PRDM10: variants seen among roughly 807,000 people sequenced by gnomAD.
PRDM10 encodes the protein PR/SET domain 10.
In PRDM10, 65 loss-of-function variants were observed where a neutral mutation model predicts 133.1. The ratio of observed to expected loss-of-function variants is 0.49; its 90% CI spans 0.40 to 0.60. The LOEUF (loss-of-function observed/expected upper bound fraction) is 0.60, where lower values mean the gene tolerates loss of function less well. Ranked by LOEUF, PRDM10 falls within the 20% of genes least tolerant of loss-of-function variation. The pLI is 0.00. For synonymous variants in PRDM10, 582 were observed against 580.4 expected (o/e 1.00, Z -0.04); for missense variants, 1,137 against 1,507.1 (o/e 0.75, Z 4.07).
chr11:129,958,404 G>A (rs1024066276), intron 2 of PRDM10, among the ~76,000 whole-genome samples: 2 of 152,152 alleles, frequency 1.3e-5, no homozygotes, highest in African/African-American at 4.8e-5. Context: ...CACTTTGGGA[G>A]GCCGAGGCAG....
chr11:129,910,212 C>A (rs1950142183), intron 19 of PRDM10, among the ~76,000 whole-genome samples: 1 of 152,184 alleles, frequency 6.6e-6, no homozygotes, highest in Non-Finnish European at 1.5e-5. Flanking sequence ...TAAGCTATAT[C>A]CAACTATCTT....
intron 1 of PRDM10, among the ~76,000 whole-genome samples, chr11:129,968,178 C>T (rs184132550): frequency 7.9e-5 from 12 of 152,308 alleles, no homozygotes; most frequent in Admixed American, 7.2e-4. Flanking sequence ...CATTATTAAC[C>T]TCAGACACAT....
intron 1 of PRDM10, among the ~76,000 whole-genome samples, chr11:129,999,777 A>G (rs1249518117): frequency 6.6e-6 from 1 of 152,222 alleles, no homozygotes; most frequent in Non-Finnish European, 1.5e-5. Flanking sequence ...AAAAGTTACA[A>G]GAAATCAAAA....
chr11:129,919,266 CT>C (rs1190415580), intron 13 of PRDM10, among the ~76,000 whole-genome samples: 1 of 152,142 alleles, frequency 6.6e-6, no homozygotes, highest in Non-Finnish European at 1.5e-5. Flanking sequence ...ACTCAGGAGG[CT>C]GAGGCAGGAG....
At position 129,994,628 on chromosome 11, in the gene PRDM10, A is replaced by C. The variant is rs187585405; in HGVS notation, c.-119+8094T>G. On this transcript the variant is annotated intron_variant, in intron 1 of 20. Transcript: ENST00000360871. ...TCTCTAAAAAAATTAAAAAATATTAAAAAGTTAACATAAAATTTCTTTTTT... is the reference window on the plus strand; with the variant it reads ...TCTCTAAAAAAATTAAAAAATATTACAAAGTTAACATAAAATTTCTTTTTT... 5.0e-4 allele frequency among the ~76,000 whole-genome samples: 76 copies of C among 152,012 alleles called. No homozygotes were observed. In the East Asian group the frequency reaches 0.013, roughly 26 times the overall value.
intron 19 of PRDM10, among the ~76,000 whole-genome samples, chr11:129,908,664 T>C (rs887618583): frequency 6.6e-6 from 1 of 152,206 alleles, no homozygotes; most frequent in Non-Finnish European, 1.5e-5. Flanking sequence ...TCTACTTTTA[T>C]ATATTTTTAC....
At position 129,947,122 on chromosome 11, in the gene PRDM10, G is replaced by A. The variant is rs372182810; in HGVS notation, c.520+23C>T. Reference sequence around the variant, plus strand: ...CACAAGATGGACACAGCTTCCCTGGGGGAGACCCGTGCCCACACTTACACA... The same window carrying A: ...CACAAGATGGACACAGCTTCCCTGGAGGAGACCCGTGCCCACACTTACACA... On this transcript the variant is annotated intron_variant, in intron 5 of 20. Transcript: ENST00000360871. This position sits in a 1 kb window ranked among gnomAD's most constrained non-coding sequence, Gnocchi z 4.6. The A allele has an allele frequency of 6.2e-7, 1 of 1,611,816 alleles. No individual in the cohort carries two copies. The highest frequency in any genetic ancestry group is 1.1e-5 in the South Asian group (1 of 90,816).
chr11:129,985,879 T>C (rs1000102716), intron 1 of PRDM10, among the ~76,000 whole-genome samples: 6 of 143,984 alleles, frequency 4.2e-5, no homozygotes, highest in Non-Finnish European at 9.1e-5. Context: ...CCAATTCTTA[T>C]AACCCAAGGT....
intron 15 of PRDM10, 105 bp from the exon 16 acceptor site, chr11:129,915,965 T>A: frequency 9.3e-7 from 1 of 1,072,540 alleles, no homozygotes; most frequent in Non-Finnish European, 1.3e-6. Context: ...AGTATTCATG[T>A]AGCCCCAAAT....
chr11:129,932,813 T>C (rs1273623138), intron 9 of PRDM10, among the ~76,000 whole-genome samples: 1 of 152,170 alleles, frequency 6.6e-6, no homozygotes, highest in Non-Finnish European at 1.5e-5. Flanking sequence ...CTACCCAGGC[T>C]GGAGTGCAGT....
At chr11:129,934,277 G>C (rs1950959983) in intron 9 of PRDM10, among the ~76,000 whole-genome samples, 1 of 152,206 alleles carries the variant, frequency 6.6e-6, no homozygotes, top group African/African-American at 2.4e-5. Flanking sequence ...CCCCAAGTGG[G>C]CATTTAATAG....
Position 129,905,363 on chromosome 11 carries a change from G to GAAAA in PRDM10, c.3267+271_3267+274dup, listed in dbSNP as rs57268294. On this transcript the variant is annotated intron_variant, in intron 20 of 20. Transcript: ENST00000360871. Reference sequence around the variant, plus strand: ...GGCGACACAGCAAGACTCTGTCTCAGAAAAAAAAAAAAAAAAAAAAGGCTC... The same window carrying GAAAA: ...GGCGACACAGCAAGACTCTGTCTCAGAAAAAAAAAAAAAAAAAAAAAAAAGGCTC... 2.9e-3 allele frequency among the ~76,000 whole-genome samples: 204 copies of GAAAA among 69,364 alleles called. 2 individuals carry two copies. Among genetic ancestry groups the GAAAA allele is most frequent in the Non-Finnish European group, 4.3e-3 (157 of 36,182 alleles). The allele number at this position is 69,364 out of a possible 152,430, so 45.5% of individuals were successfully genotyped here. A position where few individuals can be genotyped will look rare whatever the true frequency, so the allele number is the denominator to read the frequency against.
In PRDM10 at chr11:129,990,522, C is replaced by CAAA. The variant is rs59217112; in HGVS notation, c.-119+12197_-119+12199dup. Among the ~76,000 whole-genome samples, 270 of 66,906 alleles carry CAAA rather than the reference C, an allele frequency of 4.0e-3. 3 individuals are homozygous for CAAA. The highest frequency in any genetic ancestry group is 0.01 in the African/African-American group (203 of 20,200). 43.9% of individuals were successfully genotyped at this position (66,906 alleles called of 152,430 possible). On this transcript the variant is annotated intron_variant, in intron 1 of 20. Coordinates refer to ENST00000360871, the MANE Select transcript of PRDM10 (RefSeq NM_199437.2). ...GGGTGACAAAGTGAGACTTTGTCTCCAAAAAAAAAAAAAAAAAAAAAAAGC... is the reference window on the plus strand; with the variant it reads ...GGGTGACAAAGTGAGACTTTGTCTCCAAAAAAAAAAAAAAAAAAAAAAAAAAGC...
In PRDM10 at chr11:129,945,714, A is replaced by G. The variant is rs1591645290; in HGVS notation, c.521-702T>C. Among the ~76,000 whole-genome samples, 1 of 152,302 alleles carries G rather than the reference A, an allele frequency of 6.6e-6. No individual in the cohort carries two copies. Among genetic ancestry groups the G allele is most frequent in the East Asian group, 1.9e-4 (1 of 5,178 alleles). On this transcript the variant is annotated intron_variant, in intron 5 of 20. Coordinates refer to ENST00000360871, the MANE Select transcript of PRDM10 (RefSeq NM_199437.2). The surrounding 1 kb of genome is among the most constrained non-coding windows in gnomAD (Gnocchi z 4.2). ...ACCCACCTGTAAGCTAACCGCCAGA[A>G]CGAGACAGGTACAGCCCCAAAACGG...
intron 1 of PRDM10, among the ~76,000 whole-genome samples, chr11:129,996,382 T>C (rs7110196): frequency 0.24 from 37,232 of 152,132 alleles, 6,891 homozygotes; most frequent in East Asian, 0.56. Context: ...GAGCTAAGAA[T>C]GGTTGTTACA....
At chr11:129,943,893 T>C (rs1027487428) in intron 6 of PRDM10, among the ~76,000 whole-genome samples, 1 of 152,114 alleles carries the variant, frequency 6.6e-6, no homozygotes, top group African/African-American at 2.4e-5. Flanking sequence ...CTCGGGAGGC[T>C]GAGGCAGGAG....
chr11:129,948,063 A>G (rs765535182), intron 4 of PRDM10: 1 of 456,682 alleles, frequency 2.2e-6, no homozygotes, highest in South Asian at 1.5e-5. Flanking sequence ...GTAAGAATGA[A>G]AGAGATGAGG....
At chr11:129,959,768 G>A (rs1173807119) in intron 2 of PRDM10, among the ~76,000 whole-genome samples, 2 of 151,978 alleles carry the variant, frequency 1.3e-5, no homozygotes, top group African/African-American at 4.8e-5. Context: ...TAAGTAATCA[G>A]ACTAAGACTT....
Position 129,923,493 on chromosome 11 carries a change from C to T in PRDM10, c.1879-90G>A, listed in dbSNP as rs1055187801. 69 of 1,390,212 alleles carry T rather than the reference C, an allele frequency of 5.0e-5. No homozygotes were observed. The highest frequency in any genetic ancestry group is 6.2e-5 in the Non-Finnish European group (65 of 1,045,744). 86.1% of individuals were successfully genotyped at this position (1,390,212 alleles called of 1,614,324 possible). ...CTTGTCAACGCTAGAGGGAGCCAAA[C>T]GCATTACCATGGGTTTTCATCAACC... On this transcript the variant is annotated intron_variant, in intron 12 of 20. Transcript: ENST00000360871. This position sits in a 1 kb window ranked among gnomAD's most constrained non-coding sequence, Gnocchi z 4.4.
Sources: allele counts gnomAD v4.1 joint callset (sites outside exome capture counted in the v4.1 genomes callset), GRCh38; gene constraint gnomAD v4.1.1; non-coding constraint Gnocchi (gnomAD v3.1); transcripts MANE v1.5; gene names NCBI Gene and HGNC (gene_info 2026-07-23, HGNC 2026-07-21).